CIDEA: variants seen among roughly 807,000 people sequenced by gnomAD.
The protein encoded by CIDEA is lipid transferase CIDEA.
In CIDEA, 10 loss-of-function variants were observed where a neutral mutation model predicts 18.2. That is an observed-to-expected ratio of 0.55 (90% CI 0.34 to 0.93). The LOEUF (loss-of-function observed/expected upper bound fraction) is 0.93. Among genes scored for constraint, CIDEA ranks in the 40% least tolerant of loss-of-function variants. The pLI, the probability that CIDEA is intolerant of heterozygous loss-of-function variation, is 0.02. For missense variants in CIDEA, 309 were observed against 293.1 expected (o/e 1.05, Z -0.40); for synonymous variants, 128 against 124.8 (o/e 1.03, Z -0.17).
chr18:12,261,367 T>A (rs1912185698), intron 1 of CIDEA, among the ~76,000 whole-genome samples: 1 of 152,114 alleles, frequency 6.6e-6, no homozygotes, highest in Admixed American at 6.6e-5. Context: ...AGACTCCATC[T>A]CAAAACAAAC....
intron 3 of CIDEA, among the ~76,000 whole-genome samples, chr18:12,272,265 T>C (rs1598781956): frequency 6.6e-6 from 1 of 151,302 alleles, no homozygotes; most frequent in Admixed American, 6.6e-5. Flanking sequence ...CAGGCTGGAG[T>C]GCAGTGGCGC....
chr18:12,267,373 AAC>A (rs759909828), intron 3 of CIDEA, among the ~76,000 whole-genome samples: 8 of 152,256 alleles, frequency 5.3e-5, no homozygotes, highest in Non-Finnish European at 8.8e-5. Flanking sequence ...GTGGTCCCTG[AAC>A]AGAATGCTCT....
Position 12,277,188 on chromosome 18 carries a change from C to T in CIDEA, c.578C>T (p.Thr193Ile), listed in dbSNP as rs762819115. Reference protein sequence around the residue: ...VTGQFLIYLGTYMLRVLDDKE... With the variant: ...VTGQFLIYLGIYMLRVLDDKE... The stretch of plus-strand genomic sequence containing the variant: ...GGACAGTTTCTCATCTATCTGGGCA[C>T]ATACATGCTCCGGGTGCTGGATGAC... The change falls in exon 5 of 5, where the codon ACA becomes ATA. Residue 193 changes from threonine (T) to isoleucine (I), a missense_variant. Physicochemically the swap from Thr to Ile is moderately conservative, Grantham distance 89. Coordinates refer to ENST00000320477, the MANE Select transcript of CIDEA (RefSeq NM_001279.4). 2.5e-5 allele frequency: 41 copies of T among 1,614,220 alleles called. No homozygotes were observed. Among genetic ancestry groups the T allele is most frequent in the Admixed American group, 8.3e-5 (5 of 60,030 alleles).
At chr18:12,261,038 G>GATTT (rs111977821) in intron 1 of CIDEA, among the ~76,000 whole-genome samples, 1 of 152,148 alleles carries the variant, frequency 6.6e-6, no homozygotes, top group African/African-American at 2.4e-5. Flanking sequence ...AACCCTTGCT[G>GATTT]ATTTCTGATT....
At chr18:12,272,167 GGGGGGTT>G (rs1690026156) in intron 3 of CIDEA, among the ~76,000 whole-genome samples, 1 of 13,490 alleles carries the variant, frequency 7.4e-5, no homozygotes, top group Non-Finnish European at 4.1e-4. Flanking sequence ...GGGGGTTGGG[GGGGGGTT>G]GTTGTTGTTG....
intron 3 of CIDEA, among the ~76,000 whole-genome samples, chr18:12,272,103 G>A (rs1291867515): frequency 1.4e-5 from 2 of 140,342 alleles, no homozygotes; most frequent in Non-Finnish European, 3.1e-5. Context: ...GCCCCCAAGA[G>A]GCCGCTGAGA....
At chr18:12,276,901 A>T (rs1465642037) in intron 4 of CIDEA, among the ~76,000 whole-genome samples, 1 of 152,172 alleles carries the variant, frequency 6.6e-6, no homozygotes, top group Non-Finnish European at 1.5e-5. Context: ...GTCCTCAGGG[A>T]GCTCACAGAG....
intron 3 of CIDEA, among the ~76,000 whole-genome samples, chr18:12,271,425 G>T (rs1303592561): frequency 6.6e-6 from 1 of 152,240 alleles, no homozygotes; most frequent in African/African-American, 2.4e-5. Context: ...AAAGCGAGGG[G>T]CCGGGCCTGC....
At chr18:12,268,361 T>G (rs1173674153) in intron 3 of CIDEA, among the ~76,000 whole-genome samples, 1 of 147,018 alleles carries the variant, frequency 6.8e-6, no homozygotes. Flanking sequence ...ATTACAGGCA[T>G]GAGCCACCGC....
intron 1 of CIDEA, among the ~76,000 whole-genome samples, chr18:12,257,375 A>T (rs1348222138): frequency 6.6e-6 from 1 of 152,124 alleles, no homozygotes; most frequent in African/African-American, 2.4e-5. Context: ...CCATGACACC[A>T]AAATATTTCA....
At chr18:12,267,657 G>A (rs1209380649) in intron 3 of CIDEA, among the ~76,000 whole-genome samples, 1 of 152,026 alleles carries the variant, frequency 6.6e-6, no homozygotes, top group Non-Finnish European at 1.5e-5. Flanking sequence ...ACCACGCCTG[G>A]CTAATTTTTG....
intron 4 of CIDEA, among the ~76,000 whole-genome samples, chr18:12,276,103 C>T (rs1905325523): frequency 1.3e-5 from 2 of 151,458 alleles, no homozygotes; most frequent in Admixed American, 1.3e-4. Flanking sequence ...AAGCCATTCC[C>T]GTGGCTCAGC....
chr18:12,277,082 A>C (rs746876079), intron 4 of CIDEA, 41 bp from the exon 5 acceptor site: 2 of 1,608,738 alleles, frequency 1.2e-6, no homozygotes, highest in South Asian at 2.2e-5. Context: ...TCACTGGCCC[A>C]AAATCCCAAG....
intron 3 of CIDEA, among the ~76,000 whole-genome samples, chr18:12,269,117 C>T (rs1402329706): frequency 2.0e-5 from 3 of 152,150 alleles, no homozygotes; most frequent in Non-Finnish European, 4.4e-5. Context: ...CACGACCAGC[C>T]ACCAGGTTAA....
intron 3 of CIDEA, among the ~76,000 whole-genome samples, chr18:12,272,147 T>TGG (rs1259474425): frequency 0.069 from 100 of 1,458 alleles, 3 homozygotes; most frequent in East Asian, 0.16. Flanking sequence ...TGAGTGTGTG[T>TGG]GTGGGGGGGG....
At chr18:12,268,510 C>G (rs1912424317) in intron 3 of CIDEA, among the ~76,000 whole-genome samples, 1 of 151,776 alleles carries the variant, frequency 6.6e-6, no homozygotes, top group African/African-American at 2.4e-5. Context: ...ACCTCAGCCT[C>G]CCAAGTAGCT....
chr18:12,268,229 C>T (rs1189010782), intron 3 of CIDEA, among the ~76,000 whole-genome samples: 4 of 72,994 alleles, frequency 5.5e-5, no homozygotes, highest in African/African-American at 1.5e-4. Flanking sequence ...CATGCCCGGC[C>T]ATTTTTTTTT....
chr18:12,272,509 G>A (rs745821188), intron 3 of CIDEA, among the ~76,000 whole-genome samples: 3 of 152,082 alleles, frequency 2.0e-5, no homozygotes, highest in Admixed American at 6.6e-5. Flanking sequence ...CACCATGCCC[G>A]GCTAATTTTT....
chr18:12,272,995 T>C (rs1912594160), intron 3 of CIDEA, among the ~76,000 whole-genome samples: 1 of 148,748 alleles, frequency 6.7e-6, no homozygotes, highest in African/African-American at 2.5e-5. Context: ...CTTTGCTCTC[T>C]TATATTTTTA....
Sources: allele counts gnomAD v4.1 joint callset (sites outside exome capture counted in the v4.1 genomes callset), GRCh38; gene constraint gnomAD v4.1.1; transcripts MANE v1.5; gene names NCBI Gene and HGNC (gene_info 2026-07-23, HGNC 2026-07-21).